ACTN2: variants seen among roughly 807,000 people sequenced by gnomAD.
The protein encoded by ACTN2 is actinin alpha 2.
Under a neutral mutation model 113.8 loss-of-function variants are expected in ACTN2, and 39 were observed. The ratio of observed to expected loss-of-function variants is 0.34; its 90% CI spans 0.27 to 0.45. The LOEUF (loss-of-function observed/expected upper bound fraction) is 0.45. ACTN2 is among the 20% of genes least tolerant of loss of function. The pLI is 1.00. For synonymous variants in ACTN2, 429 were observed against 444.1 expected (o/e 0.97, Z 0.43); for missense variants, 992 against 1,177.9 (o/e 0.84, Z 2.31).
intron 4 of ACTN2, among the ~76,000 whole-genome samples, chr1:236,722,738 G>A (rs1363150950): frequency 2.6e-5 from 4 of 152,090 alleles, no homozygotes; most frequent in South Asian, 2.1e-4. Flanking sequence ...GTGTCATTCA[G>A]TGCTTTGTGA....
chr1:236,696,226 G>C (rs2102864209), intron 1 of ACTN2, among the ~76,000 whole-genome samples: 1 of 151,938 alleles, frequency 6.6e-6, no homozygotes, highest in Non-Finnish European at 1.5e-5. Flanking sequence ...AGACTCATTG[G>C]AATTGGAGTG....
At chr1:236,759,664 A>G (rs898530789) in intron 18 of ACTN2, 60 bp from the exon 19 acceptor site, 2 of 1,422,086 alleles carry the variant, frequency 1.4e-6, no homozygotes, top group East Asian at 2.3e-5. Flanking sequence ...TCAGTTGGTC[A>G]AGTAGAGTTG....
intron 7 of ACTN2, chr1:236,734,335 G>T: frequency 6.2e-6 from 5 of 805,206 alleles, no homozygotes; most frequent in Non-Finnish European, 9.6e-6. Flanking sequence ...GGGGGCGAAG[G>T]GGGAGGATTC....
In ACTN2 at chr1:236,704,159, C is replaced by T. The variant is rs1289008477; in HGVS notation, c.127-13699C>T. On this transcript the variant is annotated intron_variant, in intron 1 of 20. Transcript: ENST00000366578. ...CGTTAGTTTCACAGGACAAGGGAAG[C>T]GTACTGTAATTTGAGATCAACATAT... Among the ~76,000 whole-genome samples, 8 of 152,132 alleles carry T rather than the reference C, an allele frequency of 5.3e-5. No homozygotes were observed. In the South Asian group the frequency reaches 1.2e-3, roughly 24 times the overall value.
chr1:236,687,855 A>T (rs890596779), intron 1 of ACTN2, among the ~76,000 whole-genome samples: 2 of 152,252 alleles, frequency 1.3e-5, no homozygotes, highest in African/African-American at 4.8e-5. Context: ...AGAGATGATT[A>T]TCAAATAACC....
intron 18 of ACTN2, 64 bp downstream of exon 18, chr1:236,757,696 A>G: frequency 6.3e-7 from 1 of 1,594,504 alleles, no homozygotes; most frequent in South Asian, 1.1e-5. Context: ...CTGAAATAAT[A>G]TGCATGCTCT....
chr1:236,754,878 A>G lies in ACTN2; in HGVS notation c.1975-141A>G, dbSNP rs1572146121. ...TACCCAGTCCCCACTTCCTCTGAGAAAAGTGAACCGAGTGACACTGGCCGC... is the reference window on the plus strand; with the variant it reads ...TACCCAGTCCCCACTTCCTCTGAGAGAAGTGAACCGAGTGACACTGGCCGC... On this transcript the variant is annotated intron_variant, in intron 16 of 20. Transcript: ENST00000366578. The surrounding 1 kb of genome is among the most constrained non-coding windows in gnomAD (Gnocchi z 4.9). 2.1e-6 allele frequency: 2 copies of G among 942,014 alleles called. No individual in the cohort carries two copies. The highest frequency in any genetic ancestry group is 4.9e-5 in the East Asian group (2 of 41,014). 58.4% of individuals were successfully genotyped at this position (942,014 alleles called of 1,614,324 possible).
chr1:236,745,163 G>A (rs369962731), intron 12 of ACTN2, among the ~76,000 whole-genome samples: 4 of 152,112 alleles, frequency 2.6e-5, no homozygotes, highest in South Asian at 2.1e-4. Context: ...GGCCGGGCGC[G>A]GTGGCTCACG....
rs149794430 is a variant in ACTN2 at position 236,749,254 on chromosome 1, A to T, written c.1646A>T (p.Glu549Val). The T allele has an allele frequency of 1.1e-5, 17 of 1,614,094 alleles. No individual in the cohort carries two copies. In the African/African-American group the frequency reaches 1.9e-4, roughly 18 times the overall value. ...GATATGTTCATTGTCCACAGCATTG[A>T]GGAGATCCAGGTAATGGAACCGCAA... ...LQDMFIVHSI[E>V]EIQSLITAHE... Residue 549 changes from glutamate to valine, a missense_variant, in exon 14 of 21, where the codon GAG becomes GTG. This residue lies in a region of ACTN2 where 736 missense variants were observed against 815.4 expected (regional missense o/e 0.90). Transcript: ENST00000366578.
Position 236,727,735 on chromosome 1 carries a change from T to C in ACTN2, c.594T>C (p.Ile198=), listed in dbSNP as rs2102906566. Residue 198 remains isoleucine (I), a synonymous_variant, in exon 6 of 21, where the codon ATT becomes ATC. Transcript: ENST00000366578. ...TCCACCGACACCGGCCTGACCTCAT[T>C]GACTACTCAAAGCTTAACAAGGTTA... ...ALIHRHRPDL[I]DYSKLNKDDP... is the part of the protein sequence containing the mutation. 1 of 1,614,032 alleles carries C rather than the reference T, an allele frequency of 6.2e-7. No homozygotes were observed. Among genetic ancestry groups the C allele is most frequent in the Non-Finnish European group, 8.5e-7 (1 of 1,180,010 alleles).
At chr1:236,695,673 T>A (rs753265767) in intron 1 of ACTN2, among the ~76,000 whole-genome samples, 2 of 149,276 alleles carry the variant, frequency 1.3e-5, no homozygotes, top group Non-Finnish European at 3.0e-5. Context: ...ATAGAAAACA[T>A]GGGGAAATTT....
chr1:236,715,072 G>A (rs1279799296), intron 1 of ACTN2, among the ~76,000 whole-genome samples: 2 of 152,208 alleles, frequency 1.3e-5, no homozygotes, highest in Non-Finnish European at 2.9e-5. Context: ...TCCTTATGGG[G>A]TAGGGCATTG....
intron 2 of ACTN2, 142 bp from the exon 3 acceptor site, chr1:236,718,752 T>A: frequency 8.4e-7 from 1 of 1,190,400 alleles, no homozygotes; most frequent in Non-Finnish European, 1.2e-6. Context: ...TTGCTGTGAT[T>A]TAGAGAGACC....
intron 1 of ACTN2, among the ~76,000 whole-genome samples, chr1:236,709,327 CATGTATATATAT>C (rs1558227632): frequency 3.2e-4 from 41 of 126,534 alleles, no homozygotes; most frequent in Admixed American, 1.1e-3. Context: ...TATATATATA[CATGTATATATAT>C]ACGTGTATAT....
intron 1 of ACTN2, among the ~76,000 whole-genome samples, chr1:236,693,590 C>G (rs1394561415): frequency 6.6e-6 from 1 of 152,178 alleles, no homozygotes; most frequent in Non-Finnish European, 1.5e-5. Flanking sequence ...CTTGCCCCCT[C>G]CTCCTCTCCC....
chr1:236,754,902 G>A lies in ACTN2; in HGVS notation c.1975-117G>A, dbSNP rs1435530370. The A allele has an allele frequency of 3.0e-5, 36 of 1,202,786 alleles. 1 individual carries two copies. Among genetic ancestry groups the A allele is most frequent in the South Asian group, 1.6e-4 (13 of 81,712 alleles). The allele number at this position is 1,202,786 out of a possible 1,614,324, so 74.5% of individuals were successfully genotyped here. A position where few individuals can be genotyped will look rare whatever the true frequency, so the allele number is the denominator to read the frequency against. On this transcript the variant is annotated intron_variant, in intron 16 of 20. Coordinates refer to ENST00000366578, the MANE Select transcript of ACTN2 (RefSeq NM_001103.4). This position sits in a 1 kb window ranked among gnomAD's most constrained non-coding sequence, Gnocchi z 4.9. ...AAAAGTGAACCGAGTGACACTGGCC[G>A]CTGCCTGACGCTGGCCTAGCATCCC...
At chr1:236,708,934 T>C (rs1049636213) in intron 1 of ACTN2, among the ~76,000 whole-genome samples, 2 of 152,170 alleles carry the variant, frequency 1.3e-5, no homozygotes, top group Middle Eastern at 3.4e-3. Flanking sequence ...TTCCAGAGCC[T>C]CCTTACTTTT....
intron 9 of ACTN2, 137 bp from the exon 10 acceptor site, chr1:236,739,165 G>C: frequency 1.1e-6 from 1 of 902,252 alleles, no homozygotes; most frequent in Non-Finnish European, 1.8e-6. Flanking sequence ...TCATGCCTCT[G>C]TGCGTAGAGG....
intron 17 of ACTN2, 122 bp from the exon 18 acceptor site, chr1:236,757,364 A>G: frequency 7.9e-7 from 1 of 1,260,956 alleles, no homozygotes; most frequent in Non-Finnish European, 1.1e-6. Flanking sequence ...AAGTGTGGGG[A>G]AGGCTATCAT....
Sources: allele counts gnomAD v4.1 joint callset (sites outside exome capture counted in the v4.1 genomes callset), GRCh38; gene constraint gnomAD v4.1.1; regional missense constraint gnomAD v4.1.1; non-coding constraint Gnocchi (gnomAD v3.1); transcripts MANE v1.5; gene names NCBI Gene and HGNC (gene_info 2026-07-23, HGNC 2026-07-21).